RBFOX1: variants seen among roughly 807,000 people sequenced by gnomAD.
RBFOX1 encodes the protein RNA binding protein fox-1 homolog 1.
RBFOX1 carries 8 observed loss-of-function variants against 57.7 expected under a neutral mutation model. That is an observed-to-expected ratio of 0.14 (90% CI 0.08 to 0.25). RBFOX1 has a LOEUF of 0.25. RBFOX1 is among the 10% of genes least tolerant of loss of function. The probability of loss-of-function intolerance (pLI) is 1.00; values close to 1 mark genes in which losing one functional copy is unlikely to be tolerated. For synonymous variants in RBFOX1, 326 were observed against 222.4 expected (o/e 1.47, Z -4.15); for missense variants, 611 against 548.5 (o/e 1.11, Z -1.14).
intron 1 of RBFOX1, among the ~76,000 whole-genome samples, chr16:6,095,619 G>A (rs2096235726): frequency 6.6e-6 from 1 of 152,008 alleles, no homozygotes. Context: ...GCCTCTGCCT[G>A]TGCAAAGAAC....
chr16:5,921,297 G>A (rs144131482), intron 4 of RBFOX1, among the ~76,000 whole-genome samples: 78 of 152,272 alleles, frequency 5.1e-4, no homozygotes, highest in African/African-American at 1.7e-3. Context: ...TCCAGAGATT[G>A]TCTTTCTTTA....
chr16:7,577,770 A>C (rs12149405), intron 5 of RBFOX1, among the ~76,000 whole-genome samples: 1 of 151,870 alleles, frequency 6.6e-6, no homozygotes, highest in Non-Finnish European at 1.5e-5. Flanking sequence ...ATAATGGCTC[A>C]TGCCTGTAAT....
intron 3 of RBFOX1, among the ~76,000 whole-genome samples, chr16:6,872,266 A>C (rs180810445): frequency 9.4e-4 from 143 of 152,304 alleles, no homozygotes; most frequent in African/African-American, 3.3e-3. Context: ...AATAAAACAC[A>C]TCTATCCAGT....
At chr16:7,400,825 C>CT (rs2098229739) in intron 4 of RBFOX1, among the ~76,000 whole-genome samples, 1 of 152,204 alleles carries the variant, frequency 6.6e-6, no homozygotes, top group Non-Finnish European at 1.5e-5. Flanking sequence ...GTCCACAATG[C>CT]TGTTGGTGCG....
At chr16:6,787,212 A>T (rs1603623694) in intron 3 of RBFOX1, among the ~76,000 whole-genome samples, 1 of 152,148 alleles carries the variant, frequency 6.6e-6, no homozygotes, top group East Asian at 1.9e-4. Flanking sequence ...GACAGAAATA[A>T]GCTGGATAAA....
At chr16:7,016,250 C>G (rs969628172) in intron 3 of RBFOX1, among the ~76,000 whole-genome samples, 1 of 152,118 alleles carries the variant, frequency 6.6e-6, no homozygotes, top group East Asian at 1.9e-4. Flanking sequence ...GGAACGGGAC[C>G]TGCCTCATCC....
At chr16:7,118,238 C>T (rs1323388013) in intron 4 of RBFOX1, among the ~76,000 whole-genome samples, 4 of 152,156 alleles carry the variant, frequency 2.6e-5, no homozygotes, top group Non-Finnish European at 5.9e-5. Context: ...TCACCACATC[C>T]ATGCTAACAT....
chr16:6,983,500 A>T (rs929169308), intron 3 of RBFOX1: 2 of 151,360 alleles, frequency 1.3e-5, no homozygotes, highest in African/African-American at 4.9e-5. Context: ...CGCTTACTTC[A>T]GCTTATAAGA....
intron 4 of RBFOX1, among the ~76,000 whole-genome samples, chr16:7,445,740 G>C (rs1449905990): frequency 6.6e-6 from 1 of 152,074 alleles, no homozygotes; most frequent in Non-Finnish European, 1.5e-5. Context: ...TTTTTGTTTT[G>C]TCTTTTCACG....
chr16:6,548,524 G>T (rs554354202), intron 2 of RBFOX1, among the ~76,000 whole-genome samples: 6 of 152,082 alleles, frequency 3.9e-5, no homozygotes, highest in Non-Finnish European at 8.8e-5. Flanking sequence ...AGTGAAAAAA[G>T]AAATTTTTTT....
At chr16:6,849,692 A>C (rs1297597794) in intron 3 of RBFOX1, among the ~76,000 whole-genome samples, 1 of 151,810 alleles carries the variant, frequency 6.6e-6, no homozygotes, top group East Asian at 1.9e-4. Flanking sequence ...AAAATAAAAC[A>C]AAAAAAACTG....
At chr16:6,597,659 C>G (rs769108444) in intron 2 of RBFOX1, among the ~76,000 whole-genome samples, 1 of 151,988 alleles carries the variant, frequency 6.6e-6, no homozygotes, top group South Asian at 2.1e-4. Context: ...GGGTTGAGAG[C>G]AAGACTCCAT....
intron 3 of RBFOX1, among the ~76,000 whole-genome samples, chr16:6,729,629 G>T (rs145832460): frequency 1.3e-5 from 2 of 152,152 alleles, no homozygotes; most frequent in East Asian, 3.9e-4. Context: ...GCTGTGTGTA[G>T]AAAGTACCTC....
chr16:6,034,967 A>G (rs2095346001), intron 1 of RBFOX1, among the ~76,000 whole-genome samples: 1 of 151,762 alleles, frequency 6.6e-6, no homozygotes, highest in African/African-American at 2.4e-5. Flanking sequence ...TAAGCAGCAG[A>G]GAGCATACTA....
intron 4 of RBFOX1, among the ~76,000 whole-genome samples, chr16:7,240,535 G>GTT (rs1012968780): frequency 6.6e-5 from 10 of 151,918 alleles, no homozygotes; most frequent in Non-Finnish European, 1.5e-4. Flanking sequence ...TTTTCGTGGT[G>GTT]TTTTTTGTTT....
intron 1 of RBFOX1, among the ~76,000 whole-genome samples, chr16:6,183,890 G>A (rs2152796852): frequency 6.6e-6 from 1 of 152,238 alleles, no homozygotes; most frequent in Non-Finnish European, 1.5e-5. Flanking sequence ...GCTTTGAGCA[G>A]GAAAAGAAGC....
intron 1 of RBFOX1, among the ~76,000 whole-genome samples, chr16:6,128,869 GA>G (rs2096609137): frequency 6.6e-6 from 1 of 152,144 alleles, no homozygotes; most frequent in South Asian, 2.1e-4. Context: ...CAATCAAGTG[GA>G]AACCCCAGAA....
intron 4 of RBFOX1, among the ~76,000 whole-genome samples, chr16:7,239,942 C>T (rs1441834023): frequency 6.6e-6 from 1 of 152,174 alleles, no homozygotes; most frequent in African/African-American, 2.4e-5. Flanking sequence ...AATTCCAAAA[C>T]TTCCTACCTG....
At chr16:7,526,547 A>C (rs1262001990) in intron 5 of RBFOX1, among the ~76,000 whole-genome samples, 3 of 152,208 alleles carry the variant, frequency 2.0e-5, no homozygotes, top group Non-Finnish European at 4.4e-5. Flanking sequence ...ACGATGGATT[A>C]CAGAACAACA....
Sources: allele counts gnomAD v4.1 joint callset (sites outside exome capture counted in the v4.1 genomes callset), GRCh38; gene constraint gnomAD v4.1.1; transcripts MANE v1.5; gene names NCBI Gene and HGNC (gene_info 2026-07-23, HGNC 2026-07-21).